MBNL2: variants seen among roughly 807,000 people sequenced by gnomAD.
MBNL2 encodes muscleblind-like protein 2.
A neutral mutation model predicts 41.9 loss-of-function variants in MBNL2; 17 were observed. The ratio of observed to expected loss-of-function variants is 0.41; its 90% CI spans 0.28 to 0.61. MBNL2 has a LOEUF of 0.61. Among genes scored for constraint, MBNL2 ranks in the 20% least tolerant of loss-of-function variants. The pLI is 0.35. For synonymous variants in MBNL2, 195 were observed against 182.9 expected, an observed-to-expected ratio of 1.07 and a Z score of -0.53; for missense variants, 336 against 505.6, an observed-to-expected ratio of 0.66 and a Z score of 3.22.
the MBNL2 span, among the ~76,000 whole-genome samples, chr13:97,206,599 T>C: frequency 6.6e-6 from 1 of 152,288 alleles, no homozygotes; most frequent in African/African-American, 2.4e-5. Context: ...TATATCCTTG[T>C]TGCAGAGATA....
chr13:97,313,173 C>T (rs2058753688), intron 2 of MBNL2, among the ~76,000 whole-genome samples: 1 of 152,212 alleles, frequency 6.6e-6, no homozygotes, highest in African/African-American at 2.4e-5. Context: ...CCTAGTGGTG[C>T]TCCCTAAATT....
chr13:97,202,149 T>C, the MBNL2 span, among the ~76,000 whole-genome samples: 1 of 152,224 alleles, frequency 6.6e-6, no homozygotes, highest in African/African-American at 2.4e-5. Context: ...AGCGATCTGA[T>C]ATCTTGGATT....
chr13:97,241,107 C>G (rs1335657093), intron 1 of MBNL2, among the ~76,000 whole-genome samples: 1 of 152,208 alleles, frequency 6.6e-6, no homozygotes, highest in Non-Finnish European at 1.5e-5. Flanking sequence ...CTCTTTGTTG[C>G]TCAGAGCATG....
intron 2 of MBNL2, among the ~76,000 whole-genome samples, chr13:97,279,295 G>A (rs146940727): frequency 2.0e-5 from 3 of 152,260 alleles, no homozygotes; most frequent in East Asian, 1.9e-4. Context: ...TACTTGGGAC[G>A]AGTTATTTTA....
upstream of MBNL2, among the ~76,000 whole-genome samples, chr13:97,219,888 A>G (rs1310945621): frequency 1.3e-5 from 2 of 152,230 alleles, no homozygotes; most frequent in Admixed American, 6.5e-5. Context: ...GGCTATTTAA[A>G]TCATCATGAT....
the MBNL2 span, among the ~76,000 whole-genome samples, chr13:97,196,976 T>A: frequency 5.4e-3 from 819 of 152,322 alleles, 7 homozygotes; most frequent in African/African-American, 0.019. Context: ...GGGTCACCAA[T>A]TACTTTGCCC....
intron 2 of MBNL2, among the ~76,000 whole-genome samples, chr13:97,314,939 G>A (rs1285168641): frequency 6.6e-6 from 1 of 152,114 alleles, no homozygotes; most frequent in Non-Finnish European, 1.5e-5. Flanking sequence ...ATGAAATTCA[G>A]GGATTTATAA....
At chr13:97,183,629 A>C in the MBNL2 span, among the ~76,000 whole-genome samples, 1 of 152,170 alleles carries the variant, frequency 6.6e-6, no homozygotes, top group African/African-American at 2.4e-5. Context: ...TTACGCCCAC[A>C]GTTGGGTACG....
chr13:97,339,186 GTA>G (rs1177705396), intron 3 of MBNL2, among the ~76,000 whole-genome samples: 4 of 16,602 alleles, frequency 2.4e-4, no homozygotes, highest in Middle Eastern at 0.036. Flanking sequence ...TATGTATTGT[GTA>G]TATGAGTGTG....
intron 2 of MBNL2, among the ~76,000 whole-genome samples, chr13:97,286,808 T>TTA (rs2054544631): frequency 6.6e-6 from 1 of 152,200 alleles, no homozygotes; most frequent in Admixed American, 6.5e-5. Context: ...GGTCTTTGCT[T>TTA]AAATGCCACG....
chr13:97,147,434 C>T, the MBNL2 span, among the ~76,000 whole-genome samples: 2 of 152,092 alleles, frequency 1.3e-5, no homozygotes, highest in African/African-American at 4.8e-5. Flanking sequence ...CAATAGTCCA[C>T]CAGTGGCTAG....
At chr13:97,272,187 T>A (rs9516885) in intron 1 of MBNL2, among the ~76,000 whole-genome samples, 1 of 151,932 alleles carries the variant, frequency 6.6e-6, no homozygotes, top group Non-Finnish European at 1.5e-5. Context: ...TGATGTTGAG[T>A]TTTTTTTCAT....
At position 97,268,100 on chromosome 13, in the gene MBNL2, CCTTT is replaced by C. The variant is rs777353448; in HGVS notation, c.-604-7523_-604-7520del. Among the ~76,000 whole-genome samples the C allele has an allele frequency of 1.4e-5, 2 of 145,100 alleles. No individual in the cohort carries two copies. Among genetic ancestry groups the C allele is most frequent in the African/African-American group, 2.8e-5 (1 of 35,624 alleles). The stretch of plus-strand genomic sequence containing the variant: ...TCCTTCCTTCCTTCCTTCCTTCCTT[CCTTT>C]CTTTCTTTTGAGACAGCGTCGCTCT... On this transcript the variant is annotated intron_variant, in intron 1 of 8. Transcript: ENST00000679496. This position sits in a 1 kb window ranked among gnomAD's most constrained non-coding sequence, Gnocchi z 4.6.
chr13:97,271,762 C>T (rs1333869105), intron 1 of MBNL2, among the ~76,000 whole-genome samples: 1 of 152,170 alleles, frequency 6.6e-6, no homozygotes, highest in Non-Finnish European at 1.5e-5. Context: ...GACATGATCT[C>T]ATTCCGCTGC....
At chr13:97,207,355 C>T in the MBNL2 span, among the ~76,000 whole-genome samples, 2 of 152,150 alleles carry the variant, frequency 1.3e-5, no homozygotes, top group East Asian at 3.8e-4. Context: ...CAAGACTGGG[C>T]AATTTAGAAA....
At chr13:97,190,873 G>A in the MBNL2 span, among the ~76,000 whole-genome samples, 1 of 152,148 alleles carries the variant, frequency 6.6e-6, no homozygotes, top group South Asian at 2.1e-4. Context: ...CACAAATCAG[G>A]AACTGATTTC....
In MBNL2 at chr13:97,317,899, A is replaced by T. The variant is rs1344183981; in HGVS notation, c.175-16377A>T. Among the ~76,000 whole-genome samples, 3 of 152,366 alleles carry T rather than the reference A, an allele frequency of 2.0e-5. No individual in the cohort carries two copies. The East Asian group carries it at 5.8e-4, about 29-fold the overall frequency. On this transcript the variant is annotated intron_variant, in intron 2 of 8. Coordinates refer to ENST00000679496, the MANE Select transcript of MBNL2 (RefSeq NM_001382683.1). ...GCTTTCTTCCCTTCCATTCATGTGTATATGCATTGCAGATTTATGTATGTA... is the reference window on the plus strand; with the variant it reads ...GCTTTCTTCCCTTCCATTCATGTGTTTATGCATTGCAGATTTATGTATGTA...
intron 3 of MBNL2, among the ~76,000 whole-genome samples, chr13:97,340,145 T>C (rs563539360): frequency 1.3e-5 from 2 of 152,244 alleles, no homozygotes; most frequent in African/African-American, 4.8e-5. Flanking sequence ...CCTTGAGAAC[T>C]ACCAGAACCT....
chr13:97,378,384 C>T (rs142432873), intron 8 of MBNL2, among the ~76,000 whole-genome samples: 198 of 152,228 alleles, frequency 1.3e-3, no homozygotes, highest in African/African-American at 4.6e-3. Context: ...GCCTAGAAGC[C>T]GGGTTTGAAC....
Sources: allele counts gnomAD v4.1 joint callset (sites outside exome capture counted in the v4.1 genomes callset), GRCh38; gene constraint gnomAD v4.1.1; non-coding constraint Gnocchi (gnomAD v3.1); transcripts MANE v1.5; gene names NCBI Gene and HGNC (gene_info 2026-07-23, HGNC 2026-07-21).